C16orf89: variants seen among roughly 807,000 people sequenced by gnomAD.
The protein encoded by C16orf89 is chromosome 16 open reading frame 89.
In C16orf89, 57 loss-of-function variants were observed where a neutral mutation model predicts 41.5. The ratio of observed to expected loss-of-function variants is 1.38; its 90% CI spans 1.11 to 1.71. The LOEUF (loss-of-function observed/expected upper bound fraction) is 1.71. Among genes scored for constraint, C16orf89 ranks in the 40% most tolerant of loss-of-function variants. The pLI is 0.00. For synonymous variants in C16orf89, 223 were observed against 190.6 expected, an observed-to-expected ratio of 1.17 and a Z score of -1.40; for missense variants, 575 against 445.9, an observed-to-expected ratio of 1.29 and a Z score of -2.61.
At chr16:5,052,604 A>T (rs1030539871) in intron 6 of C16orf89, among the ~76,000 whole-genome samples, 6 of 42,420 alleles carry the variant, frequency 1.4e-4, no homozygotes, top group East Asian at 4.4e-4. Context: ...AGAAAGAAAG[A>T]AAAAAAAAAA....
rs111422481 is a variant in C16orf89 at position 5,059,998 on chromosome 16, T to G, written c.509+288A>C. ...AGAGGCCTCTAGGGGCCTGGAGACT[T>G]GGAACTGCGGAGAGGAATTGGGGAT... On this transcript the variant is annotated intron_variant, in intron 3 of 7. Transcript: ENST00000472572. Among the ~76,000 whole-genome samples the G allele has an allele frequency of 1.7e-3, 265 of 152,006 alleles. 2 individuals are homozygous for G. Among genetic ancestry groups the G allele is most frequent in the African/African-American group, 6.1e-3 (252 of 41,488 alleles).
chr16:5,056,276 G>C, intron 4 of C16orf89, 88 bp from the exon 5 acceptor site: 1 of 1,337,558 alleles, frequency 7.5e-7, no homozygotes, highest in South Asian at 1.4e-5. Context: ...GCAGTTCTGA[G>C]ACGGTCTTGC....
chr16:5,044,519 C>T lies in C16orf89; in HGVS notation c.956-41G>A, dbSNP rs563855081. ...CCCATGAGTGCTGGGTGGCAAGAAC[C>T]TTGGCCCTTTATTCAACACAGTCTC... On this transcript the variant is annotated intron_variant, in intron 7 of 7. Coordinates refer to ENST00000472572, the MANE Select transcript of C16orf89 (RefSeq NM_001098514.3). 42 of 1,610,316 alleles carry T rather than the reference C, an allele frequency of 2.6e-5. No individual in the cohort carries two copies. In the South Asian group the frequency reaches 3.9e-4, roughly 15 times the overall value.
In C16orf89 at chr16:5,050,129, A is replaced by T. The variant is rs149340593; in HGVS notation, c.869-2165T>A. ...ATGCCTGTAATCCCAGCACTTTGGGAGGCCAAGGTGGGCAGATCACTTGAG... is the reference window on the plus strand; with the variant it reads ...ATGCCTGTAATCCCAGCACTTTGGGTGGCCAAGGTGGGCAGATCACTTGAG... On this transcript the variant is annotated intron_variant, in intron 6 of 7. Coordinates refer to ENST00000472572, the MANE Select transcript of C16orf89 (RefSeq NM_001098514.3). 4.4e-3 allele frequency among the ~76,000 whole-genome samples: 670 copies of T among 152,276 alleles called. 4 individuals carry two copies. The highest frequency in any genetic ancestry group is 0.015 in the African/African-American group (643 of 41,570).
Position 5,065,909 on chromosome 16 carries a change from G to A in C16orf89, c.-1C>T, listed in dbSNP as rs772205267. 8 of 1,612,516 alleles carry A rather than the reference G, an allele frequency of 5.0e-6. No homozygotes were observed. The highest frequency in any genetic ancestry group is 6.8e-6 in the Non-Finnish European group (8 of 1,179,476). Reference sequence around the variant, plus strand: ...GGAGCAGCAGCCCCAGGCTGGCCATGGCCGGCCTCTGCTCACTGCTGGTCA... The same window carrying A: ...GGAGCAGCAGCCCCAGGCTGGCCATAGCCGGCCTCTGCTCACTGCTGGTCA... On this transcript the variant is annotated 5_prime_UTR_variant, in exon 1 of 8. Coordinates refer to ENST00000472572, the MANE Select transcript of C16orf89 (RefSeq NM_001098514.3).
At chr16:5,050,786 T>C (rs936402879) in intron 6 of C16orf89, among the ~76,000 whole-genome samples, 1 of 152,216 alleles carries the variant, frequency 6.6e-6, no homozygotes, top group Non-Finnish European at 1.5e-5. Flanking sequence ...AAACCATTCA[T>C]GGCTTTCCTA....
intron 1 of C16orf89, among the ~76,000 whole-genome samples, chr16:5,065,224 A>C (rs1046814870): frequency 5.3e-5 from 8 of 152,260 alleles, no homozygotes; most frequent in Middle Eastern, 3.4e-3. Context: ...ATAGCTCTCA[A>C]AGCTAAACAA....
In C16orf89 at chr16:5,044,171, G is replaced by GC. The variant is rs1316311468; in HGVS notation, c.*176dup. On this transcript the variant is annotated 3_prime_UTR_variant, in exon 8 of 8. Coordinates refer to ENST00000472572, the MANE Select transcript of C16orf89 (RefSeq NM_001098514.3). The stretch of plus-strand genomic sequence containing the variant: ...TCCGTTCACACCTGGGTCCCTCCCG[G>GC]CCCCCACCTACCCTGGCCTTGCCTA... The GC allele has an allele frequency of 2.9e-6, 4 of 1,362,662 alleles. No individual in the cohort carries two copies. In the East Asian group the frequency reaches 1.2e-4, roughly 40 times the overall value. The allele number at this position is 1,362,662 out of a possible 1,614,324, so 84.4% of individuals were successfully genotyped here. A position where few individuals can be genotyped will look rare whatever the true frequency, so the allele number is the denominator to read the frequency against.
intron 1 of C16orf89, among the ~76,000 whole-genome samples, chr16:5,064,683 A>G (rs1384425506): frequency 1.3e-5 from 2 of 152,158 alleles, no homozygotes; most frequent in East Asian, 1.9e-4. Context: ...CTGAATTCCT[A>G]GGGAATCTGT....
At chr16:5,046,198 G>A (rs1173969124) in intron 7 of C16orf89, among the ~76,000 whole-genome samples, 2 of 152,172 alleles carry the variant, frequency 1.3e-5, no homozygotes, top group South Asian at 2.1e-4. Context: ...ACCTGTAGGT[G>A]GATGATGAGG....
intron 7 of C16orf89, chr16:5,044,922 G>GAA (rs1335091174): frequency 8.1e-7 from 1 of 1,228,442 alleles, no homozygotes; most frequent in African/African-American, 1.6e-5. Flanking sequence ...TGCTCCCTTA[G>GAA]GCCCCTTTTG....
At chr16:5,044,899 G>A in intron 7 of C16orf89, 2 of 1,250,558 alleles carry the variant, frequency 1.6e-6, no homozygotes, top group South Asian at 2.7e-5. Context: ...AAGACGCTGA[G>A]TGGGTGCTTC....
chr16:5,054,613 G>A (rs537374882), intron 6 of C16orf89, among the ~76,000 whole-genome samples: 3 of 152,142 alleles, frequency 2.0e-5, no homozygotes, highest in East Asian at 1.9e-4. Context: ...TGCTCAATAC[G>A]TACTTGCTGA....
rs527803956 is a variant in C16orf89, at chr16:5,047,993, C to G, written c.869-29G>C. On this transcript the variant is annotated intron_variant, in intron 6 of 7. Coordinates refer to ENST00000472572, the MANE Select transcript of C16orf89 (RefSeq NM_001098514.3). Reference sequence around the variant, plus strand: ...GGAGAAGAGCAAAAGTTGAACTTCTCAAGAGAGATTTTTATTTTTTACATT... The same window carrying G: ...GGAGAAGAGCAAAAGTTGAACTTCTGAAGAGAGATTTTTATTTTTTACATT... 3.4e-6 allele frequency: 4 copies of G among 1,173,936 alleles called. No individual in the cohort carries two copies. In the African/African-American group the frequency reaches 4.5e-5, roughly 13 times the overall value. 72.7% of individuals were successfully genotyped at this position (1,173,936 alleles called of 1,614,324 possible). A position where few individuals can be genotyped will look rare whatever the true frequency, so the allele number is the denominator to read the frequency against.
In C16orf89 at chr16:5,062,578, G is replaced by T. The variant is rs1224225509; in HGVS notation, c.209-4C>A. 1.2e-6 allele frequency: 2 copies of T among 1,604,006 alleles called. No homozygotes were observed. The highest frequency in any genetic ancestry group is 1.7e-6 in the Non-Finnish European group (2 of 1,175,618). On this transcript the variant is annotated splice_polypyrimidine_tract_variant and splice_region_variant and intron_variant, in intron 1 of 7. Transcript: ENST00000472572. ...TCCCGGACACTTTTTAGCTGCTCTG[G>T]AAGGGAACAGAGTTAATTCATTCAA...
chr16:5,062,761 A>C (rs142743572), intron 1 of C16orf89, among the ~76,000 whole-genome samples, 187 bp from the exon 2 acceptor site: 55 of 152,254 alleles, frequency 3.6e-4, no homozygotes, highest in Middle Eastern at 6.8e-3. Context: ...TGATCTGGGC[A>C]ATGAGAATGG....
At chr16:5,042,984 A>G (rs775032758), downstream of C16orf89, 1 of 152,198 alleles carries the variant, frequency 6.6e-6, no homozygotes, top group Non-Finnish European at 1.5e-5. The surrounding 1 kb of genome is among the most constrained non-coding windows in gnomAD (Gnocchi z 4.2). Context: ...TTTACTTGGC[A>G]CTTAGTATGT....
chr16:5,062,355 C>T (rs1956643207), intron 2 of C16orf89, 70 bp downstream of exon 2: 1 of 1,496,290 alleles, frequency 6.7e-7, no homozygotes, highest in Non-Finnish European at 9.0e-7. Context: ...AGAGCCCACG[C>T]TGGGTTATTT....
At chr16:5,046,482 G>A (rs986752992) in intron 7 of C16orf89, among the ~76,000 whole-genome samples, 3 of 148,758 alleles carry the variant, frequency 2.0e-5, no homozygotes, top group Non-Finnish European at 4.5e-5. Flanking sequence ...CTTCCAGGTA[G>A]CGGGATTACA....
Sources: gnomAD v4.1 joint callset for allele counts (sites outside exome capture counted in the v4.1 genomes callset) on GRCh38, gnomAD v4.1.1 for gene constraint, Gnocchi (gnomAD v3.1) non-coding constraint, MANE v1.5 for transcripts, NCBI Gene and HGNC (gene_info 2026-07-23, HGNC 2026-07-21) for gene names.